GRID1: variants seen among roughly 807,000 people sequenced by gnomAD.
GRID1 encodes the protein glutamate receptor ionotropic, delta-1.
GRID1 carries 28 observed loss-of-function variants against 98.0 expected under a neutral mutation model. That is an observed-to-expected ratio of 0.29 (90% CI 0.21 to 0.39). The LOEUF (loss-of-function observed/expected upper bound fraction) is 0.39, where lower values mean the gene tolerates loss of function less well. GRID1 is among the 10% of genes least tolerant of loss of function. The pLI, the probability that GRID1 is intolerant of heterozygous loss-of-function variation, is 1.00. For missense variants in GRID1, 1,111 were observed against 1,340.5 expected (o/e 0.83, Z 2.67); for synonymous variants, 553 against 538.5 (o/e 1.03, Z -0.37).
At chr10:86,178,324 C>A (rs542977243) in intron 3 of GRID1, among the ~76,000 whole-genome samples, 1 of 152,124 alleles carries the variant, frequency 6.6e-6, no homozygotes, top group Admixed American at 6.5e-5. Flanking sequence ...CCAAACCTTC[C>A]CCTGCCTGCC....
At chr10:86,168,100 C>A (rs917886113) in intron 3 of GRID1, among the ~76,000 whole-genome samples, 2 of 152,172 alleles carry the variant, frequency 1.3e-5, no homozygotes, top group Admixed American at 1.3e-4. Context: ...CCAAAAACAT[C>A]TGGACTCCAC....
At chr10:86,288,977 C>G (rs58267360) in intron 2 of GRID1, among the ~76,000 whole-genome samples, 1 of 152,334 alleles carries the variant, frequency 6.6e-6, no homozygotes, top group African/African-American at 2.4e-5. Context: ...CCCACCATGT[C>G]TGTCCAGGCT....
At chr10:85,652,273 G>A (rs2132558646) in intron 12 of GRID1, among the ~76,000 whole-genome samples, 1 of 152,268 alleles carries the variant, frequency 6.6e-6, no homozygotes, top group East Asian at 1.9e-4. Context: ...AGATAAATGT[G>A]TTTGCAGTAT....
At chr10:86,347,147 C>G (rs1195930612) in intron 2 of GRID1, among the ~76,000 whole-genome samples, 3 of 144,828 alleles carry the variant, frequency 2.1e-5, no homozygotes, top group Non-Finnish European at 4.5e-5. Flanking sequence ...ACTCTCCTGT[C>G]CCCAAAGAGC....
chr10:85,861,510 G>A (rs1336809717), intron 6 of GRID1, among the ~76,000 whole-genome samples: 1 of 152,198 alleles, frequency 6.6e-6, no homozygotes, highest in African/African-American at 2.4e-5. Flanking sequence ...TACAAACACA[G>A]GAAGGCTCAG....
chr10:86,022,855 T>C (rs1378284464), intron 4 of GRID1, among the ~76,000 whole-genome samples: 4 of 150,790 alleles, frequency 2.7e-5, no homozygotes, highest in Admixed American at 2.6e-4. Flanking sequence ...GAGGTGGAGG[T>C]TGCAGTGAGC....
chr10:86,276,772 G>C (rs987446477), intron 2 of GRID1, among the ~76,000 whole-genome samples: 9 of 152,082 alleles, frequency 5.9e-5, no homozygotes, highest in African/African-American at 1.7e-4. Context: ...TTACAGGCGT[G>C]AGCCACCGCA....
At chr10:86,264,717 G>A in intron 2 of GRID1, 2 of 483,442 alleles carry the variant, frequency 4.1e-6, no homozygotes, top group South Asian at 1.5e-5. Context: ...GCAGCTGCAG[G>A]CCCAGCCCCT....
chr10:86,130,813 AGCT>A (rs1844824403), intron 4 of GRID1, among the ~76,000 whole-genome samples: 1 of 152,216 alleles, frequency 6.6e-6, no homozygotes, highest in African/African-American at 2.4e-5. Flanking sequence ...AGATGGCAGG[AGCT>A]AAAAGAGCAC....
chr10:85,926,232 G>A (rs960093864), intron 4 of GRID1, among the ~76,000 whole-genome samples: 1 of 152,074 alleles, frequency 6.6e-6, no homozygotes, highest in Non-Finnish European at 1.5e-5. Flanking sequence ...GCGACAGCTG[G>A]GGCATAAACG....
Position 85,613,482 on chromosome 10 carries a change from C to T in GRID1, c.2526G>A (p.Leu842=), listed in dbSNP as rs748196678. 1 of 1,614,094 alleles carries T rather than the reference C, an allele frequency of 6.2e-7. No individual in the cohort carries two copies. The highest frequency in any genetic ancestry group is 1.1e-5 in the South Asian group (1 of 91,086). ...AGVFCILAIG[L]LLACLVAALE... The stretch of plus-strand genomic sequence containing the variant: ...GGGCAGCCACCAGGCAGGCCAGGAG[C>T]AGGCCAATGGCCAGGATGCAGAAGA... The change falls in exon 15 of 16, where the codon CTG becomes CTA. Residue 842 remains leucine (L), a synonymous_variant. Transcript: ENST00000327946.
chr10:86,041,209 G>A (rs1843340767), intron 4 of GRID1, among the ~76,000 whole-genome samples: 1 of 152,232 alleles, frequency 6.6e-6, no homozygotes, highest in Non-Finnish European at 1.5e-5. Context: ...CAGGTCTGCT[G>A]ACATCTGTTT....
At chr10:86,189,399 C>T (rs1246350983) in intron 3 of GRID1, among the ~76,000 whole-genome samples, 2 of 152,022 alleles carry the variant, frequency 1.3e-5, no homozygotes, top group African/African-American at 2.4e-5. Context: ...ACTGCTACCA[C>T]CCCCAGTAAG....
rs545598276 is a variant in GRID1 at position 86,294,079 on chromosome 10, T to C, written c.235+69862A>G. Reference sequence around the variant, plus strand: ...ATCGAGGCAGAGGATCAGGAGAGCCTAGTGTAGAAGCTGGAGGAGTATGGA... The same window carrying C: ...ATCGAGGCAGAGGATCAGGAGAGCCCAGTGTAGAAGCTGGAGGAGTATGGA... On this transcript the variant is annotated intron_variant, in intron 2 of 15. Coordinates refer to ENST00000327946, the MANE Select transcript of GRID1 (RefSeq NM_017551.3). Among the ~76,000 whole-genome samples the C allele has an allele frequency of 8.9e-4, 136 of 152,228 alleles. No homozygotes were observed. In the Middle Eastern group the frequency reaches 0.01, roughly 11 times the overall value.
chr10:85,829,320 AT>A (rs1306186255), intron 8 of GRID1, among the ~76,000 whole-genome samples: 2 of 152,130 alleles, frequency 1.3e-5, no homozygotes, highest in Non-Finnish European at 2.9e-5. Flanking sequence ...AAAAAGTCAT[AT>A]ATAACAAACC....
At chr10:85,803,563 A>T (rs1163798875) in intron 8 of GRID1, among the ~76,000 whole-genome samples, 1 of 152,062 alleles carries the variant, frequency 6.6e-6, no homozygotes, top group Non-Finnish European at 1.5e-5. Context: ...TGTGACCAAA[A>T]CAAAATTAAT....
At position 85,862,975 on chromosome 10, in the gene GRID1, C is replaced by T. The variant is rs553294873; in HGVS notation, c.951+6035G>A. On this transcript the variant is annotated intron_variant, in intron 6 of 15. Transcript: ENST00000327946. ...CTCAGAAACACTGCACATTCCCCAG[C>T]GGGGAGGGGCTTCAAAGGCTGAATC... Among the ~76,000 whole-genome samples the T allele has an allele frequency of 3.4e-4, 51 of 152,228 alleles. 1 individual carries two copies. The East Asian group carries it at 4.3e-3, about 13-fold the overall frequency.
chr10:86,066,303 A>G (rs1249713350), intron 4 of GRID1, among the ~76,000 whole-genome samples: 1 of 152,234 alleles, frequency 6.6e-6, no homozygotes, highest in Non-Finnish European at 1.5e-5. Flanking sequence ...ACATCCCACA[A>G]GCTCAAACCC....
intron 2 of GRID1, among the ~76,000 whole-genome samples, chr10:86,237,306 C>T (rs10466229): frequency 0.039 from 5,989 of 152,214 alleles, 391 homozygotes; most frequent in African/African-American, 0.14. Context: ...CAGTGTTGGA[C>T]GGGGGGCCTG....
Sources: gnomAD v4.1 joint callset for allele counts (sites outside exome capture counted in the v4.1 genomes callset) on GRCh38, gnomAD v4.1.1 for gene constraint, MANE v1.5 for transcripts, NCBI Gene and HGNC (gene_info 2026-07-23, HGNC 2026-07-21) for gene names.